DCUN1D3: variants seen among roughly 807,000 people sequenced by gnomAD.
DCUN1D3 encodes the protein defective in cullin neddylation 1 domain containing 3.
A neutral mutation model predicts 24.8 loss-of-function variants in DCUN1D3; 6 were observed. The ratio of observed to expected loss-of-function variants is 0.24; its 90% CI spans 0.13 to 0.48. DCUN1D3 has a LOEUF of 0.48. Among genes scored for constraint, DCUN1D3 ranks in the 20% least tolerant of loss-of-function variants. The pLI is 0.99. For missense variants in DCUN1D3, 258 were observed against 379.4 expected (o/e 0.68, Z 2.66); for synonymous variants, 120 against 144.9 (o/e 0.83, Z 1.24).
At chr16:20,892,535 A>G (rs2081896808) in intron 1 of DCUN1D3, among the ~76,000 whole-genome samples, 1 of 152,198 alleles carries the variant, frequency 6.6e-6, no homozygotes, top group Non-Finnish European at 1.5e-5. Flanking sequence ...TGCTTTACAG[A>G]TATTTTTTAA....
chr16:20,895,715 G>A (rs1269054220), intron 1 of DCUN1D3, among the ~76,000 whole-genome samples: 1 of 152,186 alleles, frequency 6.6e-6, no homozygotes, highest in Non-Finnish European at 1.5e-5. Flanking sequence ...TAGGAACACA[G>A]ACGTAAGAAC....
chr16:20,860,153 G>C lies in DCUN1D3; in HGVS notation c.648C>G (p.Asn216Lys). The change falls in exon 3 of 3, where the codon AAC becomes AAG. Residue 216 changes from asparagine to lysine, a missense_variant. Transcript: ENST00000324344. This position sits in a 1 kb window ranked among gnomAD's most constrained non-coding sequence, Gnocchi z 4.3. ...IALWKLVFTQ[N>K]NPPVLDQWLN... ...GCCATTGGTCCAATACCGGAGGATT[G>C]TTCTGGGTAAAGACTAGTTTCCACA... 1 of 1,614,260 alleles carries C rather than the reference G, an allele frequency of 6.2e-7. No individual in the cohort carries two copies. Among genetic ancestry groups the C allele is most frequent in the Non-Finnish European group, 8.5e-7 (1 of 1,180,044 alleles).
At chr16:20,878,738 C>T (rs1200465434) in intron 1 of DCUN1D3, among the ~76,000 whole-genome samples, 1 of 152,202 alleles carries the variant, frequency 6.6e-6, no homozygotes. Context: ...CCACTGTTCA[C>T]TTGATGACAG....
At chr16:20,876,204 T>C (rs1016111034) in intron 1 of DCUN1D3, among the ~76,000 whole-genome samples, 3 of 152,098 alleles carry the variant, frequency 2.0e-5, no homozygotes, top group African/African-American at 7.2e-5. Context: ...TGACCTCAGG[T>C]GATCCGCCTG....
In DCUN1D3 at chr16:20,900,222, T is replaced by C. The variant is rs1443375490; in HGVS notation, c.-124A>G. On this transcript the variant is annotated 5_prime_UTR_variant, in exon 1 of 3. Transcript: ENST00000324344. ...AACTCACAGCTGCTCCAGAGGTTCC[T>C]CCAGTCAAACCCTTTCTGGAAACGA... The C allele has an allele frequency of 7.2e-6, 1 of 138,072 alleles. No individual in the cohort carries two copies. Among genetic ancestry groups the C allele is most frequent in the East Asian group, 2.4e-4 (1 of 4,190 alleles). 8.6% of individuals were successfully genotyped at this position (138,072 alleles called of 1,614,324 possible).
intron 1 of DCUN1D3, among the ~76,000 whole-genome samples, chr16:20,899,099 T>C (rs947096138): frequency 6.6e-6 from 1 of 152,272 alleles, no homozygotes; most frequent in Non-Finnish European, 1.5e-5. Context: ...ACTGATGATT[T>C]GTGTGTCACA....
At chr16:20,893,028 T>C (rs1453942265) in intron 1 of DCUN1D3, among the ~76,000 whole-genome samples, 1 of 152,138 alleles carries the variant, frequency 6.6e-6, no homozygotes, top group African/African-American at 2.4e-5. Flanking sequence ...ACACCAAGGA[T>C]TCAATTAAAC....
At chr16:20,882,166 C>A (rs1470235436) in intron 1 of DCUN1D3, among the ~76,000 whole-genome samples, 1 of 151,900 alleles carries the variant, frequency 6.6e-6, no homozygotes, top group African/African-American at 2.4e-5. Flanking sequence ...GTCTTTCATG[C>A]CTTATGCTGG....
At chr16:20,897,974 C>T (rs1596643899) in intron 1 of DCUN1D3, among the ~76,000 whole-genome samples, 1 of 152,302 alleles carries the variant, frequency 6.6e-6, no homozygotes, top group East Asian at 1.9e-4. Flanking sequence ...AATTTGTTTG[C>T]CTACCTATTC....
In DCUN1D3 at chr16:20,858,033, A is replaced by C. The variant is rs1267989865; in HGVS notation, c.*1853T>G. On this transcript the variant is annotated 3_prime_UTR_variant, in exon 3 of 3. Transcript: ENST00000324344. The stretch of plus-strand genomic sequence containing the variant: ...TATTAGGTTAAGGGAGAAACCTCCA[A>C]ATGTTTAACAGACAAAGTCTCATTA... 1 of 152,634 alleles carries C rather than the reference A, an allele frequency of 6.6e-6. No individual in the cohort carries two copies. Among genetic ancestry groups the C allele is most frequent in the East Asian group, 1.9e-4 (1 of 5,200 alleles). The allele number at this position is 152,634 out of a possible 1,614,324, so 9.5% of individuals were successfully genotyped here. A position where few individuals can be genotyped will look rare whatever the true frequency, so the allele number is the denominator to read the frequency against.
At chr16:20,881,080 T>G (rs1057096375) in intron 1 of DCUN1D3, among the ~76,000 whole-genome samples, 2 of 152,176 alleles carry the variant, frequency 1.3e-5, no homozygotes, top group Admixed American at 1.3e-4. Flanking sequence ...ATACAAGTAG[T>G]TTTCAAACTT....
rs1372131118 is a variant in DCUN1D3 at position 20,900,336 on chromosome 16, C to A, written c.-238G>T. ...GCCGCCGCCGCCTCTTCTTCCACCA[C>A]TGCCACCGCCTCCTCTTCATCTGCG... On this transcript the variant is annotated 5_prime_UTR_variant, in exon 1 of 3. Transcript: ENST00000324344. 2 of 152,010 alleles carry A rather than the reference C, an allele frequency of 1.3e-5. No individual in the cohort carries two copies. Among genetic ancestry groups the A allele is most frequent in the Non-Finnish European group, 2.9e-5 (2 of 68,130 alleles). The allele number at this position is 152,010 out of a possible 1,614,324, so 9.4% of individuals were successfully genotyped here. A position where few individuals can be genotyped will look rare whatever the true frequency, so the allele number is the denominator to read the frequency against.
intron 1 of DCUN1D3, among the ~76,000 whole-genome samples, chr16:20,885,350 T>C (rs1052152775): frequency 6.6e-5 from 10 of 152,118 alleles, no homozygotes; most frequent in Non-Finnish European, 1.2e-4. Context: ...TCCATCTTTA[T>C]AGCAATTTTT....
chr16:20,890,748 T>G (rs973353886), intron 1 of DCUN1D3, among the ~76,000 whole-genome samples: 1 of 152,014 alleles, frequency 6.6e-6, no homozygotes, highest in Admixed American at 6.6e-5. Flanking sequence ...ATTAATCACC[T>G]CATTAAGAGG....
chr16:20,881,574 T>A (rs565364990), intron 1 of DCUN1D3, among the ~76,000 whole-genome samples: 2 of 152,130 alleles, frequency 1.3e-5, no homozygotes, highest in Non-Finnish European at 2.9e-5. Flanking sequence ...GTTCCCTCCA[T>A]CACCTTTATT....
At chr16:20,898,227 A>G (rs1196456929) in intron 1 of DCUN1D3, among the ~76,000 whole-genome samples, 1 of 152,200 alleles carries the variant, frequency 6.6e-6, no homozygotes, top group Non-Finnish European at 1.5e-5. Flanking sequence ...CTTAAAGCTC[A>G]ACTTAAGTGT....
At chr16:20,899,932 C>A (rs1045264759) in intron 1 of DCUN1D3, 2 of 152,452 alleles carry the variant, frequency 1.3e-5, no homozygotes, top group Non-Finnish European at 2.9e-5. Flanking sequence ...GCACCCCCTC[C>A]AGGGCAGCTC....
At chr16:20,878,329 GA>G in intron 1 of DCUN1D3, among the ~76,000 whole-genome samples, 1 of 152,292 alleles carries the variant, frequency 6.6e-6, no homozygotes, top group South Asian at 2.1e-4. Context: ...GCCAGAATAT[GA>G]AGCTGACATA....
At position 20,857,557 on chromosome 16, in the gene DCUN1D3, C is replaced by T. The variant is rs545500062; in HGVS notation, c.*2329G>A. 2 of 152,376 alleles carry T rather than the reference C, an allele frequency of 1.3e-5. No individual in the cohort carries two copies. The highest frequency in any genetic ancestry group is 2.1e-4 in the South Asian group (1 of 4,832). 9.4% of individuals were successfully genotyped at this position (152,376 alleles called of 1,614,324 possible). ...TGGCTTTTCCCTCAGTCAACCACTA[C>T]CCAATCCAGAACCGGGGAAAATGAG... On this transcript the variant is annotated 3_prime_UTR_variant, in exon 3 of 3. Transcript: ENST00000324344.
Sources: allele counts gnomAD v4.1 joint callset (sites outside exome capture counted in the v4.1 genomes callset), GRCh38; gene constraint gnomAD v4.1.1; non-coding constraint Gnocchi (gnomAD v3.1); transcripts MANE v1.5; gene names NCBI Gene and HGNC (gene_info 2026-07-23, HGNC 2026-07-21).